Variants in PRSS23 observed in about 807,000 individuals in gnomAD.
The protein encoded by PRSS23 is protease, serine 23.
A neutral mutation model predicts 34.7 loss-of-function variants in PRSS23; 25 were observed. The observed-to-expected ratio is 0.72, with a 90% CI of 0.53 to 1.01. PRSS23 has a LOEUF of 1.01. Ranked by LOEUF, PRSS23 falls within the 50% of genes least tolerant of loss-of-function variation. The pLI, the probability that PRSS23 is intolerant of heterozygous loss-of-function variation, is 0.00. For missense variants in PRSS23, 445 were observed against 475.6 expected (o/e 0.94, Z 0.60); for synonymous variants, 176 against 186.6 (o/e 0.94, Z 0.46).
At chr11:86,811,394 T>A (rs1948176638), downstream of PRSS23, among the ~76,000 whole-genome samples, 2 of 152,312 alleles carry the variant, frequency 1.3e-5, no homozygotes, top group African/African-American at 2.4e-5. Context: ...CCAGACCCTA[T>A]AACCAGGATT....
At chr11:86,879,584 A>C (rs1476516207) in intron 2 of PRSS23, among the ~76,000 whole-genome samples, 315 of 44,510 alleles carry the variant, frequency 7.1e-3, no homozygotes, top group African/African-American at 0.011. Flanking sequence ...CCGCCCCGTC[A>C]GGGAGGTGAG....
chr11:86,940,516 GC>G (rs1267824464), intron 2 of PRSS23, among the ~76,000 whole-genome samples: 2 of 152,082 alleles, frequency 1.3e-5, no homozygotes, highest in Non-Finnish European at 2.9e-5. Flanking sequence ...TCTCCTGCTT[GC>G]CTTCTTCCCA....
intron 2 of PRSS23, among the ~76,000 whole-genome samples, chr11:86,855,564 T>G (rs1483481053): frequency 6.6e-6 from 1 of 152,142 alleles, no homozygotes; most frequent in Admixed American, 6.5e-5. Context: ...GGCATGATCT[T>G]GGCTCACTGC....
At chr11:86,894,118 A>G (rs1432835012) in intron 2 of PRSS23, among the ~76,000 whole-genome samples, 1 of 152,142 alleles carries the variant, frequency 6.6e-6, no homozygotes, top group Non-Finnish European at 1.5e-5. Flanking sequence ...GATTCAAGCA[A>G]TTCTCCTGCC....
intron 2 of PRSS23, among the ~76,000 whole-genome samples, chr11:86,893,657 A>T (rs118054079): frequency 0.015 from 2,297 of 152,362 alleles, 17 homozygotes; most frequent in Middle Eastern, 0.024. Context: ...ATGGATAGAT[A>T]TAGATATATA....
At chr11:86,906,003 C>CTCAT (rs1555080661) in intron 2 of PRSS23, among the ~76,000 whole-genome samples, 12 of 150,090 alleles carry the variant, frequency 8.0e-5, no homozygotes, top group South Asian at 2.1e-4. Flanking sequence ...CACTCATTCA[C>CTCAT]TCATTCATTC....
At chr11:86,922,460 A>AC (rs1392523429) in intron 2 of PRSS23, among the ~76,000 whole-genome samples, 1 of 150,754 alleles carries the variant, frequency 6.6e-6, no homozygotes, top group Non-Finnish European at 1.5e-5. Flanking sequence ...ACATAGCAAG[A>AC]CCCCATCTCT....
chr11:86,951,028 T>C (rs1949285781), intron 2 of PRSS23: 3 of 1,143,964 alleles, frequency 2.6e-6, no homozygotes, highest in East Asian at 4.7e-5. Context: ...GGTCACTTAA[T>C]TGTTGCTAGT....
chr11:86,951,708 C>T, exon 3 of PRSS23: 1 of 1,614,152 alleles, frequency 6.2e-7, no homozygotes, highest in Non-Finnish European at 8.5e-7. Context: ...GCCCAGGCTG[C>T]AATGTGGAAA....
intron 2 of PRSS23, among the ~76,000 whole-genome samples, chr11:86,849,264 C>G (rs2134916013): frequency 6.6e-6 from 1 of 152,328 alleles, no homozygotes; most frequent in South Asian, 2.1e-4. Context: ...CCAGGTATTA[C>G]TCTCACCTCC....
chr11:86,864,791 C>G (rs962225434), intron 2 of PRSS23, among the ~76,000 whole-genome samples: 1 of 152,218 alleles, frequency 6.6e-6, no homozygotes, highest in African/African-American at 2.4e-5. Flanking sequence ...TTTCCAGCTT[C>G]TAGAGGCTGG....
exon 3 of PRSS23, chr11:86,952,711 TAAATA>T: frequency 2.3e-6 from 1 of 426,746 alleles, no homozygotes. Flanking sequence ...CATAAATAAA[TAAATA>T]AAATAAATAG....
chr11:86,874,611 C>G (rs1401640088), intron 2 of PRSS23, among the ~76,000 whole-genome samples: 1 of 152,190 alleles, frequency 6.6e-6, no homozygotes, highest in Non-Finnish European at 1.5e-5. Flanking sequence ...CGGAGTTTAC[C>G]TTTTTCACTT....
At chr11:86,880,262 G>C (rs910372864) in intron 2 of PRSS23, among the ~76,000 whole-genome samples, 5 of 150,192 alleles carry the variant, frequency 3.3e-5, no homozygotes, top group Admixed American at 3.3e-4. Context: ...CTCATTAAGA[G>C]TCATCACCAC....
chr11:86,832,528 A>C (rs531347206), intron 2 of PRSS23: 1 of 321,106 alleles, frequency 3.1e-6, no homozygotes, highest in East Asian at 7.9e-5. Context: ...AATGAGATTA[A>C]ACTGTTCTGC....
At chr11:86,951,606 G>C (rs1263947521) in exon 3 of PRSS23, 1 of 1,614,042 alleles carries the variant, frequency 6.2e-7, no homozygotes, top group Non-Finnish European at 8.5e-7. Context: ...AGGGCATCGA[G>C]ATTTTGGTTT....
intron 2 of PRSS23, chr11:86,925,014 A>G (rs926933725): frequency 1.3e-5 from 2 of 152,216 alleles, no homozygotes; most frequent in Admixed American, 6.5e-5. Context: ...TCTTTAGCAC[A>G]AGCCGCCAAG....
At chr11:86,949,341 T>C (rs1183075087) in intron 2 of PRSS23, 1 of 151,370 alleles carries the variant, frequency 6.6e-6, no homozygotes, top group Non-Finnish European at 1.5e-5. Flanking sequence ...AATGCTTACT[T>C]CCAGAATTTG....
intron 2 of PRSS23, chr11:86,910,574 G>A (rs1012972265): frequency 1.3e-5 from 2 of 152,076 alleles, no homozygotes; most frequent in Non-Finnish European, 2.9e-5. Context: ...CTTAACATTT[G>A]CTACTCAAAG....
Sources: allele counts gnomAD v4.1 joint callset (sites outside exome capture counted in the v4.1 genomes callset), GRCh38; gene constraint gnomAD v4.1.1; transcripts MANE v1.5; gene names NCBI Gene and HGNC (gene_info 2026-07-23, HGNC 2026-07-21).